POU2F1: variants seen among roughly 807,000 people sequenced by gnomAD.
POU2F1 encodes the protein POU class 2 homeobox 1.
POU2F1 carries 16 observed loss-of-function variants against 84.9 expected under a neutral mutation model. The observed-to-expected ratio is 0.19, with a 90% CI of 0.13 to 0.29. POU2F1 has a LOEUF of 0.29. Ranked by LOEUF, POU2F1 falls within the 10% of genes least tolerant of loss-of-function variation. POU2F1 has a pLI of 1.00. For missense variants in POU2F1, 738 were observed against 942.6 expected, an observed-to-expected ratio of 0.78 and a Z score of 2.84; for synonymous variants, 368 against 368.3, an observed-to-expected ratio of 1.00 and a Z score of 0.01.
chr1:167,259,021 G>A (rs1651355100), intron 1 of POU2F1, among the ~76,000 whole-genome samples: 1 of 152,160 alleles, frequency 6.6e-6, no homozygotes, highest in African/African-American at 2.4e-5. Flanking sequence ...TGACTGTTGG[G>A]TCAGCTAGGT....
At chr1:167,366,837 G>A (rs889771790) in intron 3 of POU2F1, among the ~76,000 whole-genome samples, 3 of 152,040 alleles carry the variant, frequency 2.0e-5, no homozygotes, top group Non-Finnish European at 4.4e-5. Flanking sequence ...GGGTTCCTAA[G>A]AGGAATAGCA....
At chr1:167,221,831 G>A (rs895855276) in intron 1 of POU2F1, among the ~76,000 whole-genome samples, 1 of 151,972 alleles carries the variant, frequency 6.6e-6, no homozygotes, top group African/African-American at 2.4e-5. Context: ...CCCCCTGGGG[G>A]GTGGACTGGA....
chr1:167,276,845 TAGAA>T lies in POU2F1; in HGVS notation c.62-55624_62-55621del, dbSNP rs562748939. 1.2e-4 allele frequency among the ~76,000 whole-genome samples: 18 copies of T among 151,770 alleles called. No individual in the cohort carries two copies. The South Asian group carries it at 3.5e-3, about 30-fold the overall frequency. On this transcript the variant is annotated intron_variant, in intron 1 of 15. Transcript: ENST00000367866. ...TATGGAGAAGAAAGAAATGAGTAGA[TAGAA>T]CAAAAAAGATGAGAAAGGAAGCCAT...
chr1:167,387,592 G>GGT (rs1648075498), intron 8 of POU2F1, among the ~76,000 whole-genome samples: 1 of 152,162 alleles, frequency 6.6e-6, no homozygotes, highest in African/African-American at 2.4e-5. Context: ...TGACTCATAA[G>GGT]GTAAAGGTCA....
At chr1:167,328,801 T>C (rs1656881796) in intron 1 of POU2F1, among the ~76,000 whole-genome samples, 1 of 152,154 alleles carries the variant, frequency 6.6e-6, no homozygotes, top group African/African-American at 2.4e-5. Flanking sequence ...TATGCAACGA[T>C]TTAAATTATG....
chr1:167,234,092 C>T (rs775741757), intron 1 of POU2F1, among the ~76,000 whole-genome samples: 1 of 152,132 alleles, frequency 6.6e-6, no homozygotes, highest in African/African-American at 2.4e-5. Context: ...GGCTCTTACC[C>T]GTTAATTTCT....
At chr1:167,378,083 G>T (rs1189716898) in intron 7 of POU2F1, among the ~76,000 whole-genome samples, 9 of 152,208 alleles carry the variant, frequency 5.9e-5, no homozygotes, top group Admixed American at 4.6e-4. Flanking sequence ...TGGGATTGCT[G>T]TATCAAATGG....
chr1:167,254,949 G>C (rs141065319), intron 1 of POU2F1, among the ~76,000 whole-genome samples: 1 of 152,102 alleles, frequency 6.6e-6, no homozygotes, highest in Non-Finnish European at 1.5e-5. Context: ...TTGAAGTGCT[G>C]GATATATTTA....
chr1:167,224,302 C>T (rs1016507890), intron 1 of POU2F1, among the ~76,000 whole-genome samples: 1 of 152,136 alleles, frequency 6.6e-6, no homozygotes, highest in African/African-American at 2.4e-5. Context: ...CAGAGCATGG[C>T]TTAGGCTAAT....
chr1:167,377,357 C>T (rs1411496978), intron 7 of POU2F1, among the ~76,000 whole-genome samples: 1 of 152,132 alleles, frequency 6.6e-6, no homozygotes, highest in African/African-American at 2.4e-5. Context: ...GAGGCCGAGG[C>T]AGGCAGATCA....
rs754466652 is a variant in POU2F1, at chr1:167,372,002, C to A, written c.368C>A (p.Thr123Asn). The A allele has an allele frequency of 6.2e-7, 1 of 1,614,120 alleles. No homozygotes were observed. The highest frequency in any genetic ancestry group is 8.5e-7 in the Non-Finnish European group (1 of 1,179,994). Reference protein sequence around the residue: ...QPSVQAAIPQTQLMLAGGQIT... With the variant: ...QPSVQAAIPQNQLMLAGGQIT... ...TCAGTGCAGGCAGCCATTCCCCAGA[C>A]CCAGCTTATGCTAGCTGGAGGACAG... The change falls in exon 5 of 16, where the codon ACC becomes AAC. Residue 123 changes from threonine (T) to asparagine (N), a missense_variant. Around this residue, in one of 4 missense-constraint regions of POU2F1, gnomAD observed 163 missense variants for 214.4 expected, o/e 0.76. Coordinates refer to ENST00000367866, the MANE Select transcript of POU2F1 (RefSeq NM_002697.4).
At chr1:167,358,628 T>C (rs1659133521) in intron 2 of POU2F1, among the ~76,000 whole-genome samples, 1 of 151,842 alleles carries the variant, frequency 6.6e-6, no homozygotes, top group African/African-American at 2.4e-5. Context: ...ATAAATTATA[T>C]TTTCTATAGA....
At chr1:167,290,307 G>A (rs750160552) in intron 1 of POU2F1, among the ~76,000 whole-genome samples, 2 of 152,096 alleles carry the variant, frequency 1.3e-5, no homozygotes, top group African/African-American at 4.8e-5. Context: ...TGAGGTGAGA[G>A]GATTGATTGA....
intron 1 of POU2F1, among the ~76,000 whole-genome samples, chr1:167,320,037 G>A (rs1656198708): frequency 6.6e-6 from 1 of 152,216 alleles, no homozygotes; most frequent in South Asian, 2.1e-4. Flanking sequence ...GCAGTCAAAG[G>A]TCCTGGAAGA....
intron 1 of POU2F1, among the ~76,000 whole-genome samples, chr1:167,224,366 TGAGGG>T (rs1168967798): frequency 6.6e-6 from 1 of 152,182 alleles, no homozygotes; most frequent in Non-Finnish European, 1.5e-5. Context: ...GAGTTGAGAA[TGAGGG>T]CTGTGTATTC....
At chr1:167,347,654 A>G (rs1658288616) in intron 2 of POU2F1, among the ~76,000 whole-genome samples, 1 of 152,146 alleles carries the variant, frequency 6.6e-6, no homozygotes, top group South Asian at 2.1e-4. Context: ...TCACCCCCAA[A>G]GGAAACCCTA....
chr1:167,296,407 G>T (rs900796236), intron 1 of POU2F1, among the ~76,000 whole-genome samples: 8 of 151,794 alleles, frequency 5.3e-5, no homozygotes, highest in Non-Finnish European at 1.2e-4. Flanking sequence ...TTCTCTGTTG[G>T]ACCTATTTTT....
intron 2 of POU2F1, among the ~76,000 whole-genome samples, chr1:167,358,759 G>A (rs1281741987): frequency 1.0e-5 from 1 of 98,698 alleles, no homozygotes; most frequent in Admixed American, 1.6e-4. Context: ...TGACTGTGCT[G>A]CTCAGGCTGG....
chr1:167,312,564 A>C (rs1316749163), intron 1 of POU2F1, among the ~76,000 whole-genome samples: 1 of 152,152 alleles, frequency 6.6e-6, no homozygotes, highest in Non-Finnish European at 1.5e-5. Context: ...AAAAGTTTAT[A>C]AATTAAATAA....
Sources: allele counts gnomAD v4.1 joint callset (sites outside exome capture counted in the v4.1 genomes callset), GRCh38; gene constraint gnomAD v4.1.1; regional missense constraint gnomAD v4.1.1; transcripts MANE v1.5; gene names NCBI Gene and HGNC (gene_info 2026-07-23, HGNC 2026-07-21).